SUGCT: variants seen among roughly 807,000 people sequenced by gnomAD.
SUGCT encodes the protein succinyl-CoA:glutarate-CoA transferase.
Under a neutral mutation model 55.0 loss-of-function variants are expected in SUGCT, and 41 were observed. The observed-to-expected ratio is 0.74, with a 90% CI of 0.58 to 0.97. The LOEUF (loss-of-function observed/expected upper bound fraction) is 0.97, where lower values mean the gene tolerates loss of function less well. Ranked by LOEUF, SUGCT falls within the 50% of genes least tolerant of loss-of-function variation. SUGCT has a pLI of 0.00. For missense variants in SUGCT, 568 were observed against 547.8 expected, an observed-to-expected ratio of 1.04 and a Z score of -0.37; for synonymous variants, 187 against 200.4, an observed-to-expected ratio of 0.93 and a Z score of 0.56.
At chr7:40,662,251 G>T (rs1801365596) in intron 12 of SUGCT, among the ~76,000 whole-genome samples, 1 of 152,188 alleles carries the variant, frequency 6.6e-6, no homozygotes. Context: ...TACCAGCTCT[G>T]TTGCTGAAAC....
rs527694387 is a variant in SUGCT at position 40,255,731 on chromosome 7, C to T, written c.576+18005C>T. 3.1e-4 allele frequency among the ~76,000 whole-genome samples: 45 copies of T among 146,118 alleles called. No homozygotes were observed. In the South Asian group the frequency reaches 9.4e-3, roughly 31 times the overall value. ...TGTTTGTTTATGATCTGTAGCTTTG[C>T]ATATTTTCCTTTATTTGTAATCTCA... On this transcript the variant is annotated intron_variant, in intron 7 of 13. Transcript: ENST00000335693.
intron 6 of SUGCT, among the ~76,000 whole-genome samples, chr7:40,229,594 C>T (rs1158801333): frequency 1.3e-5 from 2 of 151,496 alleles, no homozygotes; most frequent in Non-Finnish European, 2.9e-5. Context: ...AAGTGGATCA[C>T]GAGGTCAGGA....
chr7:40,830,784 C>CAGTA (rs1792622737), intron 13 of SUGCT, among the ~76,000 whole-genome samples: 1 of 152,208 alleles, frequency 6.6e-6, no homozygotes, highest in Admixed American at 6.5e-5. Context: ...CCTCAGAGGA[C>CAGTA]AGCACAGAAG....
intron 12 of SUGCT, among the ~76,000 whole-genome samples, chr7:40,627,987 A>G (rs1799602967): frequency 1.3e-5 from 2 of 152,172 alleles, no homozygotes; most frequent in Admixed American, 6.5e-5. Flanking sequence ...TTCGGGTTTC[A>G]TGTTATCAAT....
intron 12 of SUGCT, among the ~76,000 whole-genome samples, chr7:40,646,637 CTT>C (rs1800527936): frequency 6.6e-6 from 1 of 152,190 alleles, no homozygotes; most frequent in East Asian, 1.9e-4. Context: ...CTTTCCCAGT[CTT>C]TGCACGGCAG....
the SUGCT span, among the ~76,000 whole-genome samples, chr7:40,908,495 A>G: frequency 6.6e-6 from 1 of 152,230 alleles, no homozygotes; most frequent in East Asian, 1.9e-4. Context: ...AAATATTTTT[A>G]AAATTAATAA....
At chr7:40,449,065 T>C (rs1789040655) in intron 9 of SUGCT, among the ~76,000 whole-genome samples, 1 of 151,970 alleles carries the variant, frequency 6.6e-6, no homozygotes, top group African/African-American at 2.4e-5. Context: ...ACTAGCCACA[T>C]GTGGCTATTG....
chr7:40,974,491 G>A, the SUGCT span, among the ~76,000 whole-genome samples: 1 of 152,186 alleles, frequency 6.6e-6, no homozygotes, highest in African/African-American at 2.4e-5. Flanking sequence ...GTTAAGACAA[G>A]AGCCCTCGGC....
chr7:40,410,909 T>A (rs1046181225), intron 9 of SUGCT, among the ~76,000 whole-genome samples: 3 of 152,166 alleles, frequency 2.0e-5, no homozygotes, highest in Non-Finnish European at 4.4e-5. Flanking sequence ...AAAATATTAA[T>A]CAGGATTGTC....
intron 9 of SUGCT, among the ~76,000 whole-genome samples, chr7:40,343,321 A>G (rs868115046): frequency 3.2e-4 from 49 of 152,180 alleles, no homozygotes; most frequent in Middle Eastern, 3.2e-3. Flanking sequence ...TATGTATTTA[A>G]AAATAATTAC....
In SUGCT at chr7:40,321,184, T is replaced by A. The variant is rs369295765; in HGVS notation, c.816+4329T>A. On this transcript the variant is annotated intron_variant, in intron 9 of 13. Transcript: ENST00000335693. ...TCTGCCTCCTCGGTTCAAGTGATTC[T>A]CCCCCCTCGGCCTCCTGAGTAGCTG... Among the ~76,000 whole-genome samples, 101 of 150,360 alleles carry A rather than the reference T, an allele frequency of 6.7e-4. 2 individuals carry two copies. In the South Asian group the frequency reaches 0.02, roughly 29 times the overall value.
chr7:40,172,876 C>T (rs1254006327), intron 1 of SUGCT, among the ~76,000 whole-genome samples: 5 of 152,160 alleles, frequency 3.3e-5, no homozygotes, highest in African/African-American at 9.7e-5. Context: ...CCATGCTAAT[C>T]GTTTTTAACT....
rs762448408 is a variant in SUGCT at position 40,339,258 on chromosome 7, C to A, written c.816+22403C>A. Among the ~76,000 whole-genome samples the A allele has an allele frequency of 2.0e-5, 3 of 152,190 alleles. No homozygotes were observed. The East Asian group carries it at 5.8e-4, about 29-fold the overall frequency. On this transcript the variant is annotated intron_variant, in intron 9 of 13. Transcript: ENST00000335693. ...CTCAAACTCTGTGTTGGGAGAACCACTGTTCTCTTCAAAGCTGTCAGACAG... is the reference window on the plus strand; with the variant it reads ...CTCAAACTCTGTGTTGGGAGAACCAATGTTCTCTTCAAAGCTGTCAGACAG...
intron 8 of SUGCT, among the ~76,000 whole-genome samples, chr7:40,294,853 A>T (rs1357243519): frequency 1.3e-5 from 2 of 152,056 alleles, no homozygotes. Flanking sequence ...GGCCCTGTTG[A>T]TGCATTATTA....
chr7:40,229,234 A>G (rs1445908068), intron 6 of SUGCT, among the ~76,000 whole-genome samples: 1 of 152,196 alleles, frequency 6.6e-6, no homozygotes, highest in African/African-American at 2.4e-5. Flanking sequence ...AAAAAAGAAT[A>G]TGCGCTGGGT....
At chr7:40,802,309 GACACACACACACACGCACACACCACAC>G (rs779820431) in intron 13 of SUGCT, among the ~76,000 whole-genome samples, 2 of 150,986 alleles carry the variant, frequency 1.3e-5, no homozygotes, top group Non-Finnish European at 3.0e-5. Context: ...TCAGCACTCA[GACACACACACACACGCACACACCACAC>G]ACACACACAC....
intron 7 of SUGCT, among the ~76,000 whole-genome samples, chr7:40,248,034 GGAGTTT>G (rs1790031201): frequency 6.9e-6 from 1 of 144,308 alleles, no homozygotes; most frequent in Non-Finnish European, 1.5e-5. Context: ...TTTTTGAGAT[GGAGTTT>G]CACTCTTGTT....
intron 13 of SUGCT, among the ~76,000 whole-genome samples, chr7:40,814,275 G>T (rs981016220): frequency 1.7e-4 from 26 of 152,050 alleles, no homozygotes; most frequent in African/African-American, 6.0e-4. Context: ...TTTCTTGAAT[G>T]ATTTCCTCAA....
At chr7:40,252,483 T>C (rs1790494563) in intron 7 of SUGCT, among the ~76,000 whole-genome samples, 1 of 152,170 alleles carries the variant, frequency 6.6e-6, no homozygotes, top group Non-Finnish European at 1.5e-5. Context: ...TAAGATATTT[T>C]ATGAAACAGA....
Sources: gnomAD v4.1 joint callset for allele counts (sites outside exome capture counted in the v4.1 genomes callset) on GRCh38, gnomAD v4.1.1 for gene constraint, MANE v1.5 for transcripts, NCBI Gene and HGNC (gene_info 2026-07-23, HGNC 2026-07-21) for gene names.